The following INTS10 variants were observed in gnomAD, a reference collection of about 807,000 sequenced individuals.
The protein encoded by INTS10 is chromosome 8 open reading frame 35.
INTS10 carries 44 observed loss-of-function variants against 94.4 expected under a neutral mutation model. That is an observed-to-expected ratio of 0.47 (90% CI 0.37 to 0.60). INTS10 has a LOEUF of 0.60. Among genes scored for constraint, INTS10 ranks in the 20% least tolerant of loss-of-function variants. The pLI is 0.00. For synonymous variants in INTS10, 341 were observed against 320.7 expected (o/e 1.06, Z -0.68); for missense variants, 797 against 868.7 (o/e 0.92, Z 1.04).
chr8:19,824,262 T>G (rs1389137055), intron 7 of INTS10: 1 of 374,192 alleles, frequency 2.7e-6, no homozygotes, highest in Non-Finnish European at 4.8e-6. Context: ...GAGGCTGAGG[T>G]GGGCAGATCA....
At chr8:19,817,836 T>C (rs2066050043) in intron 1 of INTS10, among the ~76,000 whole-genome samples, 170 bp downstream of exon 1, 1 of 134,702 alleles carries the variant, frequency 7.4e-6, no homozygotes, top group Non-Finnish European at 1.6e-5. Flanking sequence ...TACACCTTGC[T>C]CCTACACCTT....
Position 19,820,427 on chromosome 8 carries a change from A to G in INTS10, c.350A>G (p.Lys117Arg). The G allele has an allele frequency of 6.2e-7, 1 of 1,613,642 alleles. No homozygotes were observed. The highest frequency in any genetic ancestry group is 8.5e-7 in the Non-Finnish European group (1 of 1,179,568). The change falls in exon 4 of 17, where the codon AAG becomes AGG. Residue 117 changes from lysine (K) to arginine (R), a missense_variant. Lys to Arg is a conservative substitution (Grantham distance 26). Transcript: ENST00000397977. ...CGGGTCCAGTGTGAAATGTTACTAA[A>G]GGTCACGGAACAATGCTTCAACACG... is the stretch of plus-strand genomic sequence containing the variant. ...PGRVQCEMLLKVTEQCFNTLE... is the reference protein window; with the variant it reads ...PGRVQCEMLLRVTEQCFNTLE...
At chr8:19,818,679 G>A (rs1454635641) in intron 2 of INTS10, 3 of 328,616 alleles carry the variant, frequency 9.1e-6, no homozygotes, top group Middle Eastern at 2.0e-3. Flanking sequence ...GTTAAGTTTT[G>A]TAGGCAGTAT....
At chr8:19,827,408 C>G (rs1488221636) in intron 9 of INTS10, among the ~76,000 whole-genome samples, 1 of 152,190 alleles carries the variant, frequency 6.6e-6, no homozygotes, top group African/African-American at 2.4e-5. Context: ...CTGCAGCATC[C>G]TCCTTGCTGT....
At chr8:19,823,174 C>A in intron 5 of INTS10, 127 bp from the exon 6 acceptor site, 1 of 693,616 alleles carries the variant, frequency 1.4e-6, no homozygotes, top group Non-Finnish European at 2.5e-6. Context: ...ATACATGAGT[C>A]ATAAGGGATT....
rs1054416884 is a variant in INTS10 at position 19,819,738 on chromosome 8, C to T, written c.301+62C>T. ...TACCAAATCATATATAGTAATTTCA[C>T]ACACAAAAAAGTCACACCTGGGGTA... On this transcript the variant is annotated intron_variant, in intron 3 of 16. Transcript: ENST00000397977. 4 of 1,314,156 alleles carry T rather than the reference C, an allele frequency of 3.0e-6. No individual in the cohort carries two copies. The African/African-American group carries it at 4.4e-5, about 14-fold the overall frequency. 81.4% of individuals were successfully genotyped at this position (1,314,156 alleles called of 1,614,324 possible).
At chr8:19,845,826 G>C (rs773255220) in intron 16 of INTS10, 29 bp downstream of exon 16, 3 of 1,456,796 alleles carry the variant, frequency 2.1e-6, no homozygotes, top group African/African-American at 1.4e-5. Flanking sequence ...GCTCTTCCAT[G>C]CTGAGTGCTC....
intron 9 of INTS10, among the ~76,000 whole-genome samples, chr8:19,826,932 T>A (rs956177519): frequency 6.6e-6 from 1 of 152,130 alleles, no homozygotes; most frequent in African/African-American, 2.4e-5. Context: ...CAAAATGGCA[T>A]TGGACCTCTA....
At position 19,820,489 on chromosome 8, in the gene INTS10, C is replaced by T. The variant is rs371275238; in HGVS notation, c.412C>T (p.Arg138Cys). The change falls in exon 4 of 17, where the codon CGC becomes TGC. Residue 138 changes from arginine (R) to cysteine (C), a missense_variant. Transcript: ENST00000397977. ...AGAAATGTTGCTTCTACTTTTGAGG[C>T]GCTTCCCTGAAACGGTGGTGCAGCA... ...RSEMLLLLLR[R>C]FPETVVQHGV... 30 of 1,612,262 alleles carry T rather than the reference C, an allele frequency of 1.9e-5. No homozygotes were observed. The highest frequency in any genetic ancestry group is 3.3e-5 in the Admixed American group (2 of 59,890).
rs1425049635 is a variant in INTS10, at chr8:19,843,843, C to T, written c.1720-233C>T. Among the ~76,000 whole-genome samples the T allele has an allele frequency of 6.6e-6, 1 of 152,196 alleles. No homozygotes were observed. The highest frequency in any genetic ancestry group is 1.5e-5 in the Non-Finnish European group (1 of 68,040). ...ATGTCCAACTGCCATCTACACACTG[C>T]CAGCAGCTGTGCAGAGGGAGCCTGA... is the stretch of plus-strand genomic sequence containing the variant. On this transcript the variant is annotated intron_variant, in intron 14 of 16. Transcript: ENST00000397977. The surrounding 1 kb of genome is among the most constrained non-coding windows in gnomAD (Gnocchi z 4.7).
Position 19,846,347 on chromosome 8 carries a change from C to T in INTS10, c.1976+550C>T, listed in dbSNP as rs556339747. On this transcript the variant is annotated intron_variant, in intron 16 of 16. Coordinates refer to ENST00000397977, the MANE Select transcript of INTS10 (RefSeq NM_018142.4). This position sits in a 1 kb window ranked among gnomAD's most constrained non-coding sequence, Gnocchi z 4.2. ...ACTTGGGAGGCTGAGGCAGGAGAAC[C>T]GCTTGAACCCAGGAGGTGGAGGTTG... is the stretch of plus-strand genomic sequence containing the variant. Among the ~76,000 whole-genome samples, 2 of 151,844 alleles carry T rather than the reference C, an allele frequency of 1.3e-5. No individual in the cohort carries two copies. Among genetic ancestry groups the T allele is most frequent in the African/African-American group, 2.4e-5 (1 of 41,340 alleles).
intron 6 of INTS10, 113 bp from the exon 7 acceptor site, chr8:19,823,760 T>C (rs2066573894): frequency 5.1e-6 from 5 of 973,386 alleles, no homozygotes; most frequent in East Asian, 2.5e-5. Context: ...CATAAGTATG[T>C]TGGAATTCTG....
chr8:19,827,320 C>T (rs1589956812), intron 9 of INTS10, among the ~76,000 whole-genome samples: 1 of 152,316 alleles, frequency 6.6e-6, no homozygotes, highest in East Asian at 1.9e-4. Flanking sequence ...CCAAACGAGT[C>T]TCCCTCTGAG....
chr8:19,850,527 C>T (rs146594691), intron 16 of INTS10, among the ~76,000 whole-genome samples: 1 of 152,046 alleles, frequency 6.6e-6, no homozygotes, highest in South Asian at 2.1e-4. Flanking sequence ...AATTTGGTGA[C>T]TCCTGTTGTC....
Position 19,843,008 on chromosome 8 carries a change from T to G in INTS10, c.1719+81T>G, listed in dbSNP as rs1009533721. The G allele has an allele frequency of 1.3e-4, 130 of 986,828 alleles. No homozygotes were observed. The highest frequency in any genetic ancestry group is 1.9e-4 in the Non-Finnish European group (116 of 623,052). The allele number at this position is 986,828 out of a possible 1,614,324, so 61.1% of individuals were successfully genotyped here. A position where few individuals can be genotyped will look rare whatever the true frequency, so the allele number is the denominator to read the frequency against. On this transcript the variant is annotated intron_variant, in intron 14 of 16. Coordinates refer to ENST00000397977, the MANE Select transcript of INTS10 (RefSeq NM_018142.4). This position sits in a 1 kb window ranked among gnomAD's most constrained non-coding sequence, Gnocchi z 4.7. ...TGACTCGAGAACTTGAGAACCTTGC[T>G]AAGGATTGTTATTTTAGTACTTTTG...
chr8:19,827,940 A>C (rs1201662602), intron 9 of INTS10, among the ~76,000 whole-genome samples: 1 of 152,258 alleles, frequency 6.6e-6, no homozygotes, highest in South Asian at 2.1e-4. Context: ...GGCTGGGTGC[A>C]GTGGCTCATG....
Position 19,818,343 on chromosome 8 carries a change from G to A in INTS10, c.197+1G>A. On this transcript the variant is annotated splice_donor_variant, in intron 2 of 16. Coordinates refer to ENST00000397977, the MANE Select transcript of INTS10 (RefSeq NM_018142.4). LOFTEE classifies it high-confidence loss of function. ...CCGCCGGGAGGCTGCTGTACGACATGTGAGTGGGACGCTTGACATCACTTT... is the reference window on the plus strand; with the variant it reads ...CCGCCGGGAGGCTGCTGTACGACATATGAGTGGGACGCTTGACATCACTTT... The A allele has an allele frequency of 6.2e-7, 1 of 1,614,108 alleles. No individual in the cohort carries two copies. Among genetic ancestry groups the A allele is most frequent in the Non-Finnish European group, 8.5e-7 (1 of 1,179,942 alleles).
intron 9 of INTS10, among the ~76,000 whole-genome samples, chr8:19,828,079 C>T (rs1039400843): frequency 1.1e-4 from 17 of 151,936 alleles, no homozygotes; most frequent in Non-Finnish European, 2.2e-4. Flanking sequence ...TGGCTGGTGG[C>T]ATGCACCTAT....
chr8:19,850,876 G>C lies in INTS10; in HGVS notation c.1977-773G>C, dbSNP rs560107106. Among the ~76,000 whole-genome samples, 136 of 152,260 alleles carry C rather than the reference G, an allele frequency of 8.9e-4. 1 individual carries two copies. Among genetic ancestry groups the C allele is most frequent in the Middle Eastern group, 3.4e-3 (1 of 294 alleles). On this transcript the variant is annotated intron_variant, in intron 16 of 16. Transcript: ENST00000397977. ...AGCACAACCTTTGGGGTGTAGTTAA[G>C]AGACATTTTTCCCTGTGTCCCCACC...
Sources: allele counts gnomAD v4.1 joint callset (sites outside exome capture counted in the v4.1 genomes callset), GRCh38; gene constraint gnomAD v4.1.1; non-coding constraint Gnocchi (gnomAD v3.1); transcripts MANE v1.5; gene names NCBI Gene and HGNC (gene_info 2026-07-23, HGNC 2026-07-21).